Variants in TRPC4AP observed in about 807,000 individuals in gnomAD.
TRPC4AP encodes short transient receptor potential channel 4-associated protein.
In TRPC4AP, 45 loss-of-function variants were observed where a neutral mutation model predicts 99.0. The ratio of observed to expected loss-of-function variants is 0.45; its 90% confidence interval spans 0.36 to 0.58. The LOEUF (loss-of-function observed/expected upper bound fraction) is 0.58. TRPC4AP is among the 20% of genes least tolerant of loss of function. TRPC4AP has a pLI of 0.00. For synonymous variants in TRPC4AP, 408 were observed against 385.8 expected (o/e 1.06, Z -0.67); for missense variants, 879 against 985.3 (o/e 0.89, Z 1.44).
At chr20:35,079,872 AT>A (rs1471299893) in intron 1 of TRPC4AP, among the ~76,000 whole-genome samples, 2 of 151,134 alleles carry the variant, frequency 1.3e-5, no homozygotes, top group African/African-American at 4.9e-5. Flanking sequence ...AAAAAAAAAA[AT>A]AAGCCAAGGG....
chr20:35,009,355 AG>A (rs952771430), intron 12 of TRPC4AP, among the ~76,000 whole-genome samples: 16 of 152,262 alleles, frequency 1.1e-4, no homozygotes, highest in African/African-American at 3.9e-4. Flanking sequence ...CTGCTACCTT[AG>A]AAAAAAAAGA....
At chr20:35,079,362 T>C (rs1209218452) in intron 1 of TRPC4AP, among the ~76,000 whole-genome samples, 1 of 152,148 alleles carries the variant, frequency 6.6e-6, no homozygotes, top group African/African-American at 2.4e-5. Flanking sequence ...ATATAACTTA[T>C]CAAAATTTGT....
intron 2 of TRPC4AP, among the ~76,000 whole-genome samples, chr20:35,077,165 T>A (rs754566589): frequency 6.6e-6 from 1 of 152,160 alleles, no homozygotes; most frequent in African/African-American, 2.4e-5. Context: ...CCATCTGTCA[T>A]GGCTTCCCTT....
chr20:35,036,478 T>A (rs2085974031), intron 7 of TRPC4AP, among the ~76,000 whole-genome samples: 1 of 152,176 alleles, frequency 6.6e-6, no homozygotes, highest in African/African-American at 2.4e-5. Flanking sequence ...AACTAGATAT[T>A]TCAGGATATC....
At chr20:35,084,725 T>C (rs1260374534) in intron 1 of TRPC4AP, among the ~76,000 whole-genome samples, 1 of 114,870 alleles carries the variant, frequency 8.7e-6, no homozygotes, top group East Asian at 2.3e-4. Context: ...TATATGCATA[T>C]ATGTGTATAT....
At position 35,005,718 on chromosome 20, in the gene TRPC4AP, A is replaced by C; in HGVS notation, c.1913T>G (p.Phe638Cys). The stretch of plus-strand genomic sequence containing the variant: ...ACCTTTCATATCCACCTGGTTTTCA[A>C]ATCGGTCCAGGGACAGAGTGACACA... ...VRCVTLSLDR[F>C]ENQVDMKVAE... is the part of the protein sequence containing the mutation. The change falls in exon 16 of 19, where the codon TTT becomes TGT. Residue 638 changes from phenylalanine to cysteine, a missense_variant. Physicochemically the swap from Phe to Cys is radical, Grantham distance 205 (BLOSUM62 -2). Around this residue, in one of 3 missense-constraint regions of TRPC4AP, gnomAD observed 224 missense variants for 264.7 expected, o/e 0.85. Transcript: ENST00000252015. The C allele has an allele frequency of 1.2e-6, 2 of 1,614,118 alleles. No individual in the cohort carries two copies. Among genetic ancestry groups the C allele is most frequent in the Non-Finnish European group, 8.5e-7 (1 of 1,179,980 alleles).
intron 8 of TRPC4AP, among the ~76,000 whole-genome samples, chr20:35,032,336 C>T (rs368378226): frequency 5.3e-5 from 8 of 150,510 alleles, no homozygotes; most frequent in East Asian, 2.0e-4. Flanking sequence ...GATTATTATA[C>T]TACTCTTCAA....
At chr20:35,021,609 C>T (rs772222399) in intron 8 of TRPC4AP, among the ~76,000 whole-genome samples, 1 of 152,310 alleles carries the variant, frequency 6.6e-6, no homozygotes, top group Admixed American at 6.5e-5. Context: ...TCGGACACAG[C>T]CAATACAGTA....
chr20:35,031,595 T>C (rs1394820892), intron 8 of TRPC4AP, among the ~76,000 whole-genome samples: 4 of 152,076 alleles, frequency 2.6e-5, no homozygotes, highest in Non-Finnish European at 5.9e-5. Context: ...TTGGATTCTT[T>C]GGGCTTCTTG....
chr20:35,003,445 G>A lies in TRPC4AP; in HGVS notation c.2221C>T (p.Leu741=). ...CAGGTGCTGTCCTTGTCCTTGTGCA[G>A]GTAGTGCTGCTGCCAGAAGCGCAGC... is the stretch of plus-strand genomic sequence containing the variant. ...NLLRFWQQHY[L]HKDKDSTCLE... The change falls in exon 18 of 19, where the codon CTG becomes TTG. Residue 741 remains leucine (L), a synonymous_variant. Transcript: ENST00000252015. 2 of 1,614,178 alleles carry A rather than the reference G, an allele frequency of 1.2e-6. No individual in the cohort carries two copies. Among genetic ancestry groups the A allele is most frequent in the Non-Finnish European group, 1.7e-6 (2 of 1,180,022 alleles).
intron 1 of TRPC4AP, among the ~76,000 whole-genome samples, chr20:35,091,980 G>A (rs1401796689): frequency 2.0e-5 from 3 of 152,108 alleles, no homozygotes; most frequent in East Asian, 1.9e-4. Flanking sequence ...TAACCGTGAC[G>A]CTCTACACTA....
At chr20:35,057,287 C>T (rs1203703040) in intron 4 of TRPC4AP, among the ~76,000 whole-genome samples, 1 of 152,138 alleles carries the variant, frequency 6.6e-6, no homozygotes, top group Non-Finnish European at 1.5e-5. Flanking sequence ...ACAGGACTAT[C>T]AAAAGTACAA....
chr20:35,084,666 GTATATGTATATA>G (rs1053549684), intron 1 of TRPC4AP, among the ~76,000 whole-genome samples: 4 of 125,218 alleles, frequency 3.2e-5, no homozygotes, highest in African/African-American at 1.3e-4. Context: ...GCATATATGT[GTATATGTATATA>G]TGTTTATATG....
intron 7 of TRPC4AP, among the ~76,000 whole-genome samples, chr20:35,038,471 T>C (rs534709611): frequency 6.6e-6 from 1 of 152,284 alleles, no homozygotes; most frequent in Admixed American, 6.5e-5. Flanking sequence ...TAGAATATTA[T>C]ATAATTACAA....
At chr20:35,080,670 G>T (rs532142881) in intron 1 of TRPC4AP, among the ~76,000 whole-genome samples, 3 of 152,254 alleles carry the variant, frequency 2.0e-5, no homozygotes, top group Admixed American at 6.5e-5. Context: ...AGGCTGTGGG[G>T]ATGGGGAAAC....
chr20:35,074,801 C>T (rs1159573427), intron 2 of TRPC4AP, among the ~76,000 whole-genome samples: 1 of 152,170 alleles, frequency 6.6e-6, no homozygotes, highest in Non-Finnish European at 1.5e-5. Flanking sequence ...TGGTGCAGAG[C>T]TGAGTTCAAT....
At chr20:35,067,142 T>C (rs1013422101) in intron 3 of TRPC4AP, among the ~76,000 whole-genome samples, 1 of 152,116 alleles carries the variant, frequency 6.6e-6, no homozygotes, top group Non-Finnish European at 1.5e-5. Context: ...TCAGAGAAAT[T>C]CAAATCAAGA....
At chr20:35,062,580 A>G (rs777103303) in intron 3 of TRPC4AP, among the ~76,000 whole-genome samples, 7 of 152,230 alleles carry the variant, frequency 4.6e-5, no homozygotes, top group Non-Finnish European at 2.9e-5. Context: ...GCCAGTCACA[A>G]AAGACCACGT....
At chr20:35,013,800 T>C (rs2082690615) in intron 10 of TRPC4AP, among the ~76,000 whole-genome samples, 1 of 152,088 alleles carries the variant, frequency 6.6e-6, no homozygotes, top group East Asian at 1.9e-4. Flanking sequence ...CAGGTCCCAG[T>C]AAAGCCTGGG....
Sources: gnomAD v4.1 joint callset for allele counts (sites outside exome capture counted in the v4.1 genomes callset) on GRCh38, gnomAD v4.1.1 for gene constraint, gnomAD v4.1.1 regional missense constraint, MANE v1.5 for transcripts, NCBI Gene and HGNC (gene_info 2026-07-23, HGNC 2026-07-21) for gene names.